DDAH1: variants seen among roughly 807,000 people sequenced by gnomAD.
DDAH1 encodes dimethylarginine dimethylaminohydrolase 1.
Under a neutral mutation model 28.8 loss-of-function variants are expected in DDAH1, and 19 were observed. That is an observed-to-expected ratio of 0.66 (90% CI 0.46 to 0.97). The LOEUF (loss-of-function observed/expected upper bound fraction) is 0.97, where lower values mean the gene tolerates loss of function less well. DDAH1 is among the 50% of genes least tolerant of loss of function. The pLI is 0.00. For missense variants in DDAH1, 326 were observed against 375.9 expected (o/e 0.87, Z 1.10); for synonymous variants, 153 against 154.4 (o/e 0.99, Z 0.07).
At chr1:85,551,484 T>C (rs1658789922) in intron 1 of DDAH1, among the ~76,000 whole-genome samples, 1 of 152,160 alleles carries the variant, frequency 6.6e-6, no homozygotes, top group Non-Finnish European at 1.5e-5. Context: ...TTCAGAGTGT[T>C]AGGATTTCTA....
chr1:85,492,575 G>A (rs182912800), intron 2 of DDAH1, among the ~76,000 whole-genome samples: 2 of 152,132 alleles, frequency 1.3e-5, no homozygotes, highest in African/African-American at 4.8e-5. Context: ...ATATCAGCAC[G>A]TGGAATTTCC....
At chr1:85,453,379 C>A (rs889330828) in intron 1 of DDAH1, among the ~76,000 whole-genome samples, 2 of 152,160 alleles carry the variant, frequency 1.3e-5, no homozygotes, top group African/African-American at 4.8e-5. Flanking sequence ...CATGTAATTA[C>A]AGCTCCAAGT....
chr1:85,414,605 T>C (rs1214881756), intron 1 of DDAH1, among the ~76,000 whole-genome samples: 1 of 152,142 alleles, frequency 6.6e-6, no homozygotes, highest in Non-Finnish European at 1.5e-5. Flanking sequence ...GGACAATTGA[T>C]CGATAGGTAC....
chr1:85,450,273 T>TTGCC (rs1273534108), intron 1 of DDAH1, among the ~76,000 whole-genome samples: 2 of 152,226 alleles, frequency 1.3e-5, no homozygotes, highest in Non-Finnish European at 2.9e-5. Context: ...TAAACAACAA[T>TTGCC]TGCCTGTTGA....
At chr1:85,418,844 T>C (rs567226624) in intron 1 of DDAH1, among the ~76,000 whole-genome samples, 2 of 152,234 alleles carry the variant, frequency 1.3e-5, no homozygotes, top group African/African-American at 4.8e-5. Flanking sequence ...ATGTTAGTGG[T>C]GGATAAAGGA....
At chr1:85,388,073 C>T (rs1248092526) in intron 1 of DDAH1, among the ~76,000 whole-genome samples, 2 of 152,134 alleles carry the variant, frequency 1.3e-5, no homozygotes, top group Non-Finnish European at 2.9e-5. Flanking sequence ...AAGATCTGCC[C>T]CCATGACCCA....
intron 1 of DDAH1, among the ~76,000 whole-genome samples, chr1:85,388,592 A>C (rs1651393062): frequency 6.6e-6 from 1 of 152,218 alleles, no homozygotes; most frequent in South Asian, 2.1e-4. Flanking sequence ...AATCATTAGA[A>C]TACTTAATAA....
At chr1:85,364,756 C>A (rs1649976257) in intron 1 of DDAH1, among the ~76,000 whole-genome samples, 1 of 152,074 alleles carries the variant, frequency 6.6e-6, no homozygotes, top group South Asian at 2.1e-4. Context: ...GTTGGCCAGG[C>A]TGGTCTCGAA....
At chr1:85,549,482 G>A (rs1216327276) in intron 1 of DDAH1, among the ~76,000 whole-genome samples, 1 of 152,192 alleles carries the variant, frequency 6.6e-6, no homozygotes, top group East Asian at 1.9e-4. Context: ...TCTTGTGTTA[G>A]ATGTAGACTT....
At chr1:85,485,250 A>G (rs963482149) in intron 2 of DDAH1, among the ~76,000 whole-genome samples, 2 of 152,212 alleles carry the variant, frequency 1.3e-5, no homozygotes, top group Non-Finnish European at 2.9e-5. Context: ...TATGATAAAC[A>G]ATTGCATGAA....
chr1:85,422,468 T>C (rs906569580), intron 1 of DDAH1, among the ~76,000 whole-genome samples: 2 of 152,224 alleles, frequency 1.3e-5, no homozygotes, highest in African/African-American at 2.4e-5. Context: ...ATATAAAAAT[T>C]TATTGCCAAA....
At chr1:85,437,649 G>A (rs1255420626) in intron 1 of DDAH1, among the ~76,000 whole-genome samples, 3 of 152,156 alleles carry the variant, frequency 2.0e-5, no homozygotes, top group African/African-American at 7.2e-5. Context: ...AAGGCTTCCA[G>A]GCAACAGTAG....
At chr1:85,407,700 G>A (rs1417720315) in intron 1 of DDAH1, among the ~76,000 whole-genome samples, 1 of 152,084 alleles carries the variant, frequency 6.6e-6, no homozygotes, top group Non-Finnish European at 1.5e-5. Flanking sequence ...CTGATTGTTG[G>A]TTTTTGGTAA....
chr1:85,406,767 A>G (rs974460678), intron 1 of DDAH1, among the ~76,000 whole-genome samples: 1 of 152,162 alleles, frequency 6.6e-6, no homozygotes, highest in African/African-American at 2.4e-5. Flanking sequence ...TATAGAGAAC[A>G]GAATATACTA....
intron 1 of DDAH1, among the ~76,000 whole-genome samples, chr1:85,407,598 G>T (rs1652465239): frequency 6.6e-6 from 1 of 152,056 alleles, no homozygotes. Context: ...GTTTCTAAGG[G>T]GACACCACCG....
At chr1:85,471,780 C>T (rs1655629170) in intron 2 of DDAH1, among the ~76,000 whole-genome samples, 1 of 152,212 alleles carries the variant, frequency 6.6e-6, no homozygotes, top group Non-Finnish European at 1.5e-5. Context: ...ACACTGCAAA[C>T]ACTCAGTGCT....
chr1:85,333,090 C>A (rs543965219), intron 4 of DDAH1, among the ~76,000 whole-genome samples: 1 of 152,336 alleles, frequency 6.6e-6, no homozygotes, highest in South Asian at 2.1e-4. Flanking sequence ...AACAGGCATG[C>A]TTGGTCTGCC....
At chr1:85,521,006 C>T (rs575542960) in intron 1 of DDAH1, among the ~76,000 whole-genome samples, 1 of 152,186 alleles carries the variant, frequency 6.6e-6, no homozygotes, top group African/African-American at 2.4e-5. Context: ...GCCTCAGCTC[C>T]TTCCCTGCTG....
intron 1 of DDAH1, among the ~76,000 whole-genome samples, chr1:85,375,467 A>G (rs1650610355): frequency 6.6e-6 from 1 of 152,192 alleles, no homozygotes; most frequent in Non-Finnish European, 1.5e-5. Flanking sequence ...AAGCTTGTTG[A>G]AAGCTCAACT....
Sources: gnomAD v4.1 joint callset for allele counts (sites outside exome capture counted in the v4.1 genomes callset) on GRCh38, gnomAD v4.1.1 for gene constraint, MANE v1.5 for transcripts, NCBI Gene and HGNC (gene_info 2026-07-23, HGNC 2026-07-21) for gene names.